The following DYNC1I2 variants were observed in gnomAD, a reference collection of about 807,000 sequenced individuals.
DYNC1I2 encodes the protein cytoplasmic dynein 1 intermediate chain 2.
A neutral mutation model predicts 88.6 loss-of-function variants in DYNC1I2; 53 were observed. That is an observed-to-expected ratio of 0.60 (90% CI 0.48 to 0.75). The LOEUF is 0.75. Among genes scored for constraint, DYNC1I2 ranks in the 30% least tolerant of loss-of-function variants. DYNC1I2 has a pLI of 0.00. For synonymous variants in DYNC1I2, 198 were observed against 254.6 expected (o/e 0.78, Z 2.12); for missense variants, 458 against 766.6 (o/e 0.60, Z 4.75).
At chr2:171,722,042 A>G (rs776533061) in intron 7 of DYNC1I2, among the ~76,000 whole-genome samples, 1 of 152,168 alleles carries the variant, frequency 6.6e-6, no homozygotes, top group Non-Finnish European at 1.5e-5. Context: ...TAAATGTAAA[A>G]TGTATCTTAA....
At chr2:171,711,201 T>C (rs928282650) in intron 5 of DYNC1I2, among the ~76,000 whole-genome samples, 12 of 151,914 alleles carry the variant, frequency 7.9e-5, no homozygotes. Flanking sequence ...TGGGGTTTCA[T>C]CGCGTTGGCC....
At chr2:171,736,096 G>C (rs974363789) in intron 15 of DYNC1I2, among the ~76,000 whole-genome samples, 2 of 152,092 alleles carry the variant, frequency 1.3e-5, no homozygotes, top group African/African-American at 4.8e-5. Flanking sequence ...TTAAAACAGG[G>C]TTAAAAGTTC....
rs987742638 is a variant in DYNC1I2 at position 171,739,916 on chromosome 2, G to T, written c.1537-4133G>T. Among the ~76,000 whole-genome samples, 11 of 151,996 alleles carry T rather than the reference G, an allele frequency of 7.2e-5. 2 individuals carry two copies. In the South Asian group the frequency reaches 2.3e-3, roughly 32 times the overall value. ...AGACAGGGTTTCACCATGTTGGCCA[G>T]GCTGGTCTCAAACTCCTGGCCTCAA... On this transcript the variant is annotated intron_variant, in intron 15 of 17. Coordinates refer to ENST00000397119, the MANE Select transcript of DYNC1I2 (RefSeq NM_001378.3).
chr2:171,696,925 AGTTT>A (rs1482556684), intron 3 of DYNC1I2, among the ~76,000 whole-genome samples: 1 of 152,116 alleles, frequency 6.6e-6, no homozygotes, highest in Non-Finnish European at 1.5e-5. Flanking sequence ...CAAGAAATTT[AGTTT>A]GTTTCCCTCC....
intron 15 of DYNC1I2, among the ~76,000 whole-genome samples, chr2:171,734,851 A>G (rs574558752): frequency 3.3e-4 from 51 of 152,376 alleles, no homozygotes; most frequent in South Asian, 1.5e-3. Flanking sequence ...CTATGCTGTA[A>G]TAATGACTGA....
chr2:171,720,905 C>T (rs1289978166), intron 7 of DYNC1I2, among the ~76,000 whole-genome samples: 1 of 151,872 alleles, frequency 6.6e-6, no homozygotes, highest in Admixed American at 6.6e-5. Flanking sequence ...ACCCTGGCCT[C>T]AGAAAAATAT....
chr2:171,699,232 G>A (rs1208472940), intron 3 of DYNC1I2, among the ~76,000 whole-genome samples: 1 of 152,024 alleles, frequency 6.6e-6, no homozygotes, highest in African/African-American at 2.4e-5. Flanking sequence ...GCTTGAACTC[G>A]GGAGGCAGAG....
intron 3 of DYNC1I2, among the ~76,000 whole-genome samples, chr2:171,693,600 G>T (rs1258373968): frequency 1.3e-5 from 2 of 152,196 alleles, no homozygotes; most frequent in African/African-American, 4.8e-5. Flanking sequence ...TTTAGGGCTA[G>T]TTGGTGGGCT....
intron 7 of DYNC1I2, 32 bp from the exon 8 acceptor site, chr2:171,725,586 G>GTTTTTTTTTT (rs761551330): frequency 8.0e-7 from 1 of 1,243,706 alleles, no homozygotes. Flanking sequence ...CTGTTTTTTT[G>GTTTTTTTTTT]TTTTTTTGTT....
At chr2:171,714,954 T>C (rs1456810937) in intron 6 of DYNC1I2, among the ~76,000 whole-genome samples, 1 of 152,136 alleles carries the variant, frequency 6.6e-6, no homozygotes, top group Non-Finnish European at 1.5e-5. Context: ...TCTAGTCTGA[T>C]TCTTAAAAAA....
chr2:171,737,487 G>A (rs1441917153), intron 15 of DYNC1I2, among the ~76,000 whole-genome samples: 3 of 152,116 alleles, frequency 2.0e-5, no homozygotes, highest in African/African-American at 7.2e-5. Flanking sequence ...GGGTGATCTC[G>A]GTTCATTGCA....
intron 15 of DYNC1I2, among the ~76,000 whole-genome samples, chr2:171,734,481 G>A (rs189754215): frequency 1.3e-5 from 2 of 152,268 alleles, no homozygotes; most frequent in Admixed American, 1.3e-4. Context: ...ATTAGGCTAG[G>A]CATTGCTTCC....
chr2:171,698,093 G>C (rs2105487450), intron 3 of DYNC1I2, among the ~76,000 whole-genome samples: 1 of 152,280 alleles, frequency 6.6e-6, no homozygotes, highest in Non-Finnish European at 1.5e-5. Context: ...GTGATACTTG[G>C]GCACTATGTG....
intron 9 of DYNC1I2, 24 bp downstream of exon 9, chr2:171,726,105 T>G (rs1404382771): frequency 3.8e-6 from 6 of 1,562,404 alleles, no homozygotes; most frequent in Admixed American, 2.0e-5. Context: ...GCTAAGATTT[T>G]TAGCTTCAAT....
chr2:171,722,236 C>T (rs2105655324), intron 7 of DYNC1I2, among the ~76,000 whole-genome samples: 1 of 152,254 alleles, frequency 6.6e-6, no homozygotes, highest in East Asian at 1.9e-4. Context: ...TACAAAACAG[C>T]TTTTCTTTCT....
At chr2:171,723,624 A>G (rs115484006) in intron 7 of DYNC1I2, among the ~76,000 whole-genome samples, 1,941 of 152,308 alleles carry the variant, frequency 0.013, 35 homozygotes, top group African/African-American at 0.043. Flanking sequence ...TCTAAAAAGG[A>G]GTAGTGTCTT....
intron 13 of DYNC1I2, 81 bp downstream of exon 13, chr2:171,728,499 T>A: frequency 1.1e-6 from 1 of 926,170 alleles, no homozygotes; most frequent in Non-Finnish European, 1.6e-6. Context: ...ATGTTTCTCA[T>A]AAACTGTTTT....
chr2:171,695,486 A>G (rs1487190458), intron 3 of DYNC1I2, among the ~76,000 whole-genome samples: 1 of 152,198 alleles, frequency 6.6e-6, no homozygotes, highest in South Asian at 2.1e-4. Context: ...CTTTATATAT[A>G]TAAATGGCAT....
intron 5 of DYNC1I2, among the ~76,000 whole-genome samples, chr2:171,708,918 C>A (rs1378164142): frequency 1.3e-5 from 2 of 152,050 alleles, no homozygotes; most frequent in African/African-American, 4.8e-5. Flanking sequence ...GACTCGAATT[C>A]CCAGACTCAA....
Sources: gnomAD v4.1 joint callset for allele counts (sites outside exome capture counted in the v4.1 genomes callset) on GRCh38, gnomAD v4.1.1 for gene constraint, MANE v1.5 for transcripts, NCBI Gene and HGNC (gene_info 2026-07-23, HGNC 2026-07-21) for gene names.